RIGI: variants seen among roughly 807,000 people sequenced by gnomAD.
The protein encoded by RIGI is antiviral innate immune response receptor RIG-I.
chr9:32,503,684 C>A, the RIGI span, among the ~76,000 whole-genome samples: 1 of 152,156 alleles, frequency 6.6e-6, no homozygotes, highest in South Asian at 2.1e-4. Flanking sequence ...GGAATGGATA[C>A]TCAGAATACT....
At chr9:32,466,441 C>G in the RIGI span, 1 of 1,593,670 alleles carries the variant, frequency 6.3e-7, no homozygotes, top group Non-Finnish European at 8.5e-7. Context: ...TCTTCCTCTG[C>G]CTATTAGAAA....
chr9:32,485,052 G>T, the RIGI span: 1 of 660,870 alleles, frequency 1.5e-6, no homozygotes, highest in Non-Finnish European at 2.5e-6. Flanking sequence ...CTATAATCAA[G>T]GAAGACAACC....
chr9:32,493,994 C>T, the RIGI span: 20 of 1,340,776 alleles, frequency 1.5e-5, 1 homozygote, highest in African/African-American at 2.8e-4. Flanking sequence ...CTGAAAAATA[C>T]TTTGAGATTA....
chr9:32,491,897 C>A, the RIGI span, among the ~76,000 whole-genome samples: 1 of 152,128 alleles, frequency 6.6e-6, no homozygotes, highest in Non-Finnish European at 1.5e-5. Context: ...GCCTTTGAAA[C>A]AATGCTGAGT....
the RIGI span, among the ~76,000 whole-genome samples, chr9:32,463,889 C>CTTTTTTTTTTTTTTTTTTTATTAT: frequency 7.4e-5 from 10 of 135,880 alleles, no homozygotes; most frequent in African/African-American, 2.4e-4. Flanking sequence ...ATTCTGATTT[C>CTTTTTTTTTTTTTTTTTTTATTAT]AAATAAACCT....
the RIGI span, among the ~76,000 whole-genome samples, chr9:32,510,562 C>T: frequency 6.6e-6 from 1 of 152,178 alleles, no homozygotes; most frequent in Admixed American, 6.5e-5. Context: ...ACCACCAGGC[C>T]TGCCTTACAA....
the RIGI span, chr9:32,493,981 C>A: frequency 1.4e-6 from 2 of 1,435,018 alleles, no homozygotes; most frequent in Admixed American, 2.5e-5. Flanking sequence ...TTTATGAAAC[C>A]AACTGAAAAA....
chr9:32,477,326 C>T, the RIGI span, among the ~76,000 whole-genome samples: 8 of 152,192 alleles, frequency 5.3e-5, no homozygotes, highest in Non-Finnish European at 1.2e-4. Flanking sequence ...AATACACACA[C>T]ATCTTTTGAT....
the RIGI span, among the ~76,000 whole-genome samples, chr9:32,507,660 T>C: frequency 6.6e-6 from 1 of 151,972 alleles, no homozygotes; most frequent in Non-Finnish European, 1.5e-5. Flanking sequence ...TATTTATTAT[T>C]TATGAGACAG....
the RIGI span, chr9:32,489,368 T>A: frequency 1.2e-6 from 2 of 1,612,850 alleles, no homozygotes; most frequent in Middle Eastern, 1.7e-4. Flanking sequence ...ATTATTGTGT[T>A]TTTTCCTTTC....
At chr9:32,488,877 T>C in the RIGI span, 2 of 1,604,544 alleles carry the variant, frequency 1.2e-6, no homozygotes, top group Non-Finnish European at 1.7e-6. Flanking sequence ...AAACAAAGGT[T>C]TTTCCACAAC....
At chr9:32,466,050 A>G in the RIGI span, among the ~76,000 whole-genome samples, 1 of 152,378 alleles carries the variant, frequency 6.6e-6, no homozygotes, top group South Asian at 2.1e-4. Context: ...ACTGTCAACT[A>G]GAGAAATCCT....
At chr9:32,525,093 G>A in the RIGI span, among the ~76,000 whole-genome samples, 7 of 152,162 alleles carry the variant, frequency 4.6e-5, no homozygotes, top group African/African-American at 1.7e-4. Context: ...AGTCTTGCAA[G>A]CCTGCTGTGA....
chr9:32,493,039 A>G, the RIGI span, among the ~76,000 whole-genome samples: 2 of 152,206 alleles, frequency 1.3e-5, no homozygotes, highest in Non-Finnish European at 2.9e-5. Context: ...ACCATATTAT[A>G]AGGTAACATT....
chr9:32,505,888 C>G, the RIGI span, among the ~76,000 whole-genome samples: 18 of 152,282 alleles, frequency 1.2e-4, no homozygotes, highest in Non-Finnish European at 1.9e-4. Flanking sequence ...AATAAGTTCT[C>G]AGAAGTATAA....
At chr9:32,473,625 A>T in the RIGI span, among the ~76,000 whole-genome samples, 3 of 152,186 alleles carry the variant, frequency 2.0e-5, no homozygotes, top group Non-Finnish European at 2.9e-5. Flanking sequence ...AAAGTTCAAA[A>T]ATAGTGGGTA....
the RIGI span, among the ~76,000 whole-genome samples, chr9:32,476,331 A>G: frequency 6.6e-6 from 1 of 152,104 alleles, no homozygotes; most frequent in East Asian, 1.9e-4. Context: ...CCCCACCTCT[A>G]CAAAAATAAA....
chr9:32,482,270 A>C, the RIGI span, among the ~76,000 whole-genome samples: 1 of 151,866 alleles, frequency 6.6e-6, no homozygotes, highest in South Asian at 2.1e-4. Flanking sequence ...TACATTCATA[A>C]TTTCATTTAA....
the RIGI span, among the ~76,000 whole-genome samples, chr9:32,460,848 G>A: frequency 6.6e-6 from 1 of 152,098 alleles, no homozygotes; most frequent in Non-Finnish European, 1.5e-5. Flanking sequence ...GTTCTGCAAG[G>A]AGTGAAGAAA....
Sources: allele counts gnomAD v4.1 joint callset (sites outside exome capture counted in the v4.1 genomes callset), GRCh38; gene constraint gnomAD v4.1.1; transcripts MANE v1.5; gene names NCBI Gene and HGNC (gene_info 2026-07-23, HGNC 2026-07-21).